The following IL4I1 variants were observed in gnomAD, a reference collection of about 807,000 sequenced individuals.
IL4I1 encodes L-amino-acid oxidase.
A neutral mutation model predicts 29.7 loss-of-function variants in IL4I1; 24 were observed. The observed-to-expected ratio is 0.81, with a 90% CI of 0.59 to 1.14. The LOEUF is 1.14. IL4I1 is among the 50% of genes most tolerant of loss of function. IL4I1 has a pLI of 0.00. For synonymous variants in IL4I1, 371 were observed against 352.5 expected (o/e 1.05, Z -0.59); for missense variants, 686 against 785.6 (o/e 0.87, Z 1.52).
chr19:49,924,476 A>T, intron 2 of IL4I1, among the ~76,000 whole-genome samples: 1 of 152,162 alleles, frequency 6.6e-6, no homozygotes, highest in Non-Finnish European at 1.5e-5. Context: ...TCAAACAGCC[A>T]GGGCTGATGC....
At position 49,895,091 on chromosome 19, in the gene IL4I1, G is replaced by A; in HGVS notation, c.342C>T (p.Ala114=). 1.2e-6 allele frequency: 2 copies of A among 1,613,710 alleles called. No homozygotes were observed. The highest frequency in any genetic ancestry group is 1.7e-6 in the Non-Finnish European group (2 of 1,179,800). Residue 114 remains alanine, a synonymous_variant, in exon 4 of 8, where the codon GCC becomes GCT. Transcript: ENST00000391826. ...QNTGWIGELG[A]MRMPSSHRIL... Reference sequence around the variant, plus strand: ...ACCTGTGAGAGCTGGGCATGCGCATGGCTCCCAGCTCCCCAATCCAGCCCG... The same window carrying A: ...ACCTGTGAGAGCTGGGCATGCGCATAGCTCCCAGCTCCCCAATCCAGCCCG...
upstream of IL4I1, among the ~76,000 whole-genome samples, chr19:49,901,051 C>T (rs1356514034): frequency 6.6e-6 from 1 of 152,166 alleles, no homozygotes; most frequent in Non-Finnish European, 1.5e-5. Context: ...ATTCTCTTCT[C>T]TGAGTCTGTC....
chr19:49,927,509 C>T (rs1417226861), intron 2 of IL4I1, among the ~76,000 whole-genome samples: 2 of 152,210 alleles, frequency 1.3e-5, no homozygotes, highest in Non-Finnish European at 2.9e-5. Context: ...TCAGTCTATG[C>T]TCTTAGCTGC....
chr19:49,898,504 C>T (rs1427053238), upstream of IL4I1, among the ~76,000 whole-genome samples: 3 of 152,032 alleles, frequency 2.0e-5, no homozygotes, highest in African/African-American at 7.3e-5. Context: ...CAAAAATGTT[C>T]CCATGGCGAT....
Position 49,929,324 on chromosome 19 carries a change from A to C in IL4I1, c.-350+2T>G, listed in dbSNP as rs1437162227. Reference sequence around the variant, plus strand: ...GTGCCCCCGGCCCGTCTCCGCGCTCACCACGCCTGCGCTCTCCGCTCCCAC... The same window carrying C: ...GTGCCCCCGGCCCGTCTCCGCGCTCCCCACGCCTGCGCTCTCCGCTCCCAC... On this transcript the variant is annotated splice_donor_variant, in intron 1 of 9. Coordinates refer to the IL4I1 transcript ENST00000341114. LOFTEE classifies it low-confidence loss of function (5UTR_SPLICE). 6.5e-6 allele frequency: 1 copy of C among 154,888 alleles called. No individual in the cohort carries two copies. The highest frequency in any genetic ancestry group is 2.4e-5 in the African/African-American group (1 of 41,366). 9.6% of individuals were successfully genotyped at this position (154,888 alleles called of 1,614,324 possible). A position where few individuals can be genotyped will look rare whatever the true frequency, so the allele number is the denominator to read the frequency against.
chr19:49,909,221 G>C, intron 2 of IL4I1: 1 of 1,614,094 alleles, frequency 6.2e-7, no homozygotes, highest in Non-Finnish European at 8.5e-7. Flanking sequence ...TGTGGTGGCT[G>C]CTGGCGTGGC....
At chr19:49,893,565 A>G (rs1169027008) in intron 5 of IL4I1, among the ~76,000 whole-genome samples, 1 of 152,000 alleles carries the variant, frequency 6.6e-6, no homozygotes, top group East Asian at 1.9e-4. Context: ...TGTCTCCATC[A>G]GCCCATGGAT....
chr19:49,912,453 G>A (rs1367556851), intron 2 of IL4I1, among the ~76,000 whole-genome samples: 1 of 152,140 alleles, frequency 6.6e-6, no homozygotes, highest in African/African-American at 2.4e-5. Flanking sequence ...ACAGGCATGA[G>A]CCACTGCGCC....
chr19:49,919,717 C>A (rs1243007266), intron 2 of IL4I1, among the ~76,000 whole-genome samples: 1 of 152,080 alleles, frequency 6.6e-6, no homozygotes, highest in South Asian at 2.1e-4. Context: ...ACAGGAAAAA[C>A]GAATCAGCTA....
chr19:49,925,215 G>A (rs1289626348), intron 2 of IL4I1, among the ~76,000 whole-genome samples: 1 of 151,888 alleles, frequency 6.6e-6, no homozygotes, highest in African/African-American at 2.4e-5. Context: ...GAGCCGAGAT[G>A]GCACCATTGC....
chr19:49,909,356 G>A (rs2075402564), intron 2 of IL4I1: 1 of 1,613,862 alleles, frequency 6.2e-7, no homozygotes, highest in Non-Finnish European at 8.5e-7. Flanking sequence ...TGTGGTAGCT[G>A]GAGCCACAGA....
intron 4 of IL4I1, 65 bp from the exon 5 acceptor site, chr19:49,894,534 C>T: frequency 3.4e-5 from 23 of 668,476 alleles, no homozygotes; most frequent in East Asian, 5.5e-5. Context: ...CCTAGTGGGA[C>T]TTGGAGAAGA....
intron 3 of IL4I1, among the ~76,000 whole-genome samples, chr19:49,903,244 G>A (rs753902162): frequency 6.6e-6 from 1 of 152,202 alleles, no homozygotes; most frequent in Non-Finnish European, 1.5e-5. Context: ...AGGGAACTAG[G>A]GTATCTGAGG....
chr19:49,891,383 C>T (rs769444473), intron 6 of IL4I1, 22 bp downstream of exon 6: 36 of 1,612,100 alleles, frequency 2.2e-5, no homozygotes, highest in Non-Finnish European at 2.8e-5. Context: ...TGCATCTCAG[C>T]AGAACCAAGA....
In IL4I1 at chr19:49,893,068, A is replaced by C. The variant is rs78944644; in HGVS notation, c.567+1200T>G. On this transcript the variant is annotated intron_variant, in intron 5 of 7. Coordinates refer to ENST00000391826, the MANE Select transcript of IL4I1 (RefSeq NM_152899.2). ...TGGGGGCATGTGGACCACCATGAGG[A>C]CAAAAATTTCTTAGAGGAGAAAAGA... Among the ~76,000 whole-genome samples, 381 of 152,248 alleles carry C rather than the reference A, an allele frequency of 2.5e-3. 2 individuals carry two copies. The highest frequency in any genetic ancestry group is 8.9e-3 in the African/African-American group (369 of 41,532).
chr19:49,890,678 C>T, intron 7 of IL4I1, 78 bp from the exon 8 acceptor site: 3 of 1,312,022 alleles, frequency 2.3e-6, no homozygotes, highest in South Asian at 3.1e-5. Context: ...CCACCCACCC[C>T]GGCAGCTGGC....
Position 49,890,946 on chromosome 19 carries a change from C to G in IL4I1, c.773+25G>C, listed in dbSNP as rs544885147. 1.2e-3 allele frequency: 959 copies of G among 770,626 alleles called. 22 individuals are homozygous for G. The highest frequency in any genetic ancestry group is 6.6e-4 in the Non-Finnish European group (362 of 546,798). 47.7% of individuals were successfully genotyped at this position (770,626 alleles called of 1,614,324 possible). A position where few individuals can be genotyped will look rare whatever the true frequency, so the allele number is the denominator to read the frequency against. On this transcript the variant is annotated intron_variant, in intron 7 of 7. Coordinates refer to ENST00000391826, the MANE Select transcript of IL4I1 (RefSeq NM_152899.2). ...CCCTGATTGCCCCCCGCCCCCCCCCCCTGCCCGCCAGCCCCGCCCCTTACT... is the reference window on the plus strand; with the variant it reads ...CCCTGATTGCCCCCCGCCCCCCCCCGCTGCCCGCCAGCCCCGCCCCTTACT...
rs200872507 is a variant in IL4I1 at position 49,910,466 on chromosome 19, G to A, written c.-227-6145C>T. ...CTGGAACTCCTCCTCCTAACTCAGGGGAGGGTCTGAAACCCATGTGCTCAG... is the reference window on the plus strand; with the variant it reads ...CTGGAACTCCTCCTCCTAACTCAGGAGAGGGTCTGAAACCCATGTGCTCAG... On this transcript the variant is annotated intron_variant, in intron 2 of 9. Transcript: ENST00000341114. Among the ~76,000 whole-genome samples the A allele has an allele frequency of 3.3e-5, 5 of 152,252 alleles. No individual in the cohort carries two copies. In the East Asian group the frequency reaches 5.8e-4, roughly 18 times the overall value.
intron 2 of IL4I1, chr19:49,907,159 A>C (rs45577034): frequency 0.022 from 3,660 of 169,392 alleles, 80 homozygotes; most frequent in East Asian, 0.11. Flanking sequence ...GGGAACTCAC[A>C]ATCTAACAGC....
Sources: gnomAD v4.1 joint callset for allele counts (sites outside exome capture counted in the v4.1 genomes callset) on GRCh38, gnomAD v4.1.1 for gene constraint, MANE v1.5 for transcripts, NCBI Gene and HGNC (gene_info 2026-07-23, HGNC 2026-07-21) for gene names.